Variants in CDH13 observed in about 807,000 individuals in gnomAD.
CDH13 encodes cadherin 13, also known as cadherin-13.
A neutral mutation model predicts 63.8 loss-of-function variants in CDH13; 24 were observed. That is an observed-to-expected ratio of 0.38 (90% CI 0.27 to 0.53). The LOEUF is 0.53. CDH13 is among the 20% of genes least tolerant of loss of function. CDH13 has a pLI of 0.85. For missense variants in CDH13, 1,049 were observed against 903.1 expected (o/e 1.16, Z -2.07); for synonymous variants, 503 against 355.3 (o/e 1.42, Z -4.67).
intron 6 of CDH13, among the ~76,000 whole-genome samples, chr16:83,429,487 A>G (rs1037050249): frequency 6.6e-6 from 1 of 151,696 alleles, no homozygotes; most frequent in Non-Finnish European, 1.5e-5. Flanking sequence ...CATGACCATT[A>G]CATATACACT....
intron 4 of CDH13, among the ~76,000 whole-genome samples, chr16:83,206,291 C>A (rs1436470947): frequency 6.6e-6 from 1 of 152,214 alleles, no homozygotes; most frequent in Non-Finnish European, 1.5e-5. Flanking sequence ...CCTAAGACTT[C>A]CCTCTGCACC....
chr16:82,828,602 A>G (rs1477357419), intron 1 of CDH13, among the ~76,000 whole-genome samples: 1 of 152,080 alleles, frequency 6.6e-6, no homozygotes. Flanking sequence ...AGCCTGGGCA[A>G]CAGAATGAGG....
intron 5 of CDH13, among the ~76,000 whole-genome samples, chr16:83,333,723 T>C (rs1349801630): frequency 1.3e-5 from 2 of 152,204 alleles, no homozygotes; most frequent in African/African-American, 4.8e-5. Flanking sequence ...AACTAAAACC[T>C]GGAAAGCTGA....
At chr16:82,889,688 C>T (rs1009236411) in intron 2 of CDH13, among the ~76,000 whole-genome samples, 5 of 152,186 alleles carry the variant, frequency 3.3e-5, no homozygotes, top group African/African-American at 9.7e-5. Flanking sequence ...GACAGGGTTA[C>T]ACATGACAGA....
chr16:83,025,299 C>T (rs1479064346), intron 2 of CDH13, among the ~76,000 whole-genome samples: 1 of 152,118 alleles, frequency 6.6e-6, no homozygotes, highest in Non-Finnish European at 1.5e-5. Context: ...CATTCTCATG[C>T]TACTAATAAA....
chr16:83,184,207 G>A (rs1195841279), intron 4 of CDH13, among the ~76,000 whole-genome samples: 1 of 149,794 alleles, frequency 6.7e-6, no homozygotes, highest in African/African-American at 2.5e-5. Context: ...AATATATTTT[G>A]TAGTAAATTT....
At chr16:82,649,538 A>G (rs1242809717) in intron 1 of CDH13, among the ~76,000 whole-genome samples, 2 of 152,208 alleles carry the variant, frequency 1.3e-5, no homozygotes, top group African/African-American at 4.8e-5. Context: ...AATAATGGAA[A>G]GTGGGCTTAA....
intron 1 of CDH13, among the ~76,000 whole-genome samples, chr16:82,677,307 C>T (rs891610761): frequency 6.6e-6 from 1 of 152,184 alleles, no homozygotes; most frequent in African/African-American, 2.4e-5. Context: ...ATCTGATACC[C>T]CTCTTATTCC....
At chr16:82,956,792 T>C (rs923024081) in intron 2 of CDH13, among the ~76,000 whole-genome samples, 2 of 152,242 alleles carry the variant, frequency 1.3e-5, no homozygotes, top group Non-Finnish European at 2.9e-5. Flanking sequence ...ACTTTTTCAA[T>C]AACTTGTGTC....
At chr16:82,654,598 T>C (rs921243717) in intron 1 of CDH13, among the ~76,000 whole-genome samples, 2 of 152,180 alleles carry the variant, frequency 1.3e-5, no homozygotes, top group African/African-American at 4.8e-5. Flanking sequence ...CTTTGGGCAT[T>C]CCCATTTTCT....
At chr16:83,209,128 G>A (rs2039263764) in intron 4 of CDH13, among the ~76,000 whole-genome samples, 1 of 152,154 alleles carries the variant, frequency 6.6e-6, no homozygotes, top group African/African-American at 2.4e-5. Context: ...TTCCATACAG[G>A]GGAATCCAGT....
intron 5 of CDH13, among the ~76,000 whole-genome samples, chr16:83,310,781 A>G (rs116053984): frequency 0.016 from 2,471 of 152,236 alleles, 66 homozygotes; most frequent in African/African-American, 0.053. Context: ...AGAGAACAAT[A>G]ACCTAGGACC....
chr16:83,425,541 T>C (rs530369646), intron 6 of CDH13, among the ~76,000 whole-genome samples: 2 of 152,348 alleles, frequency 1.3e-5, no homozygotes, highest in South Asian at 4.1e-4. Flanking sequence ...CCCTTTTAGC[T>C]CATTAACTCC....
chr16:83,757,996 G>T (rs1048453308), intron 11 of CDH13, among the ~76,000 whole-genome samples: 7 of 151,684 alleles, frequency 4.6e-5, no homozygotes, highest in Non-Finnish European at 8.8e-5. Flanking sequence ...GGGTATGGTG[G>T]TGCACGCCTG....
chr16:82,685,306 T>A (rs1205750880), intron 1 of CDH13, among the ~76,000 whole-genome samples: 1 of 152,188 alleles, frequency 6.6e-6, no homozygotes, highest in Non-Finnish European at 1.5e-5. Context: ...TCCTCATCCA[T>A]GGTGCCATCT....
At chr16:83,128,201 T>C (rs1323538526) in intron 4 of CDH13, among the ~76,000 whole-genome samples, 4 of 152,178 alleles carry the variant, frequency 2.6e-5, no homozygotes, top group African/African-American at 7.2e-5. Flanking sequence ...GTGAGGACCA[T>C]GCATCAATAT....
chr16:82,653,398 C>G (rs1419978021), intron 1 of CDH13, among the ~76,000 whole-genome samples: 1 of 152,030 alleles, frequency 6.6e-6, no homozygotes, highest in Non-Finnish European at 1.5e-5. Flanking sequence ...AGAGACCAGC[C>G]CAACTTTGGA....
chr16:82,799,524 C>A lies in CDH13; in HGVS notation c.46-58838C>A, dbSNP rs77410885. The stretch of plus-strand genomic sequence containing the variant: ...ATCAGGGTAAACACATCAGTTTAGT[C>A]TTTTTTGCAACATTGCTAATTCCAC... On this transcript the variant is annotated intron_variant, in intron 1 of 13. Coordinates refer to ENST00000567109, the MANE Select transcript of CDH13 (RefSeq NM_001257.5). 5.7e-3 allele frequency among the ~76,000 whole-genome samples: 861 copies of A among 152,290 alleles called. 25 individuals carry two copies. Among genetic ancestry groups the A allele is most frequent in the East Asian group, 2.1e-3 (11 of 5,178 alleles).
intron 3 of CDH13, among the ~76,000 whole-genome samples, chr16:83,058,777 C>T (rs1249001760): frequency 2.0e-5 from 3 of 152,274 alleles, no homozygotes; most frequent in South Asian, 2.1e-4. Context: ...TAAAAACAAA[C>T]GTGCAGTCTG....
Sources: allele counts gnomAD v4.1 joint callset (sites outside exome capture counted in the v4.1 genomes callset), GRCh38; gene constraint gnomAD v4.1.1; transcripts MANE v1.5; gene names NCBI Gene and HGNC (gene_info 2026-07-23, HGNC 2026-07-21).